RNF128: variants seen among roughly 807,000 people sequenced by gnomAD.
RNF128 encodes the protein ring finger protein 128.
Under a neutral mutation model 26.2 loss-of-function variants are expected in RNF128, and 13 were observed. That is an observed-to-expected ratio of 0.50 (90% CI 0.32 to 0.79). The LOEUF is 0.79. Ranked by LOEUF, RNF128 falls within the 30% of genes least tolerant of loss-of-function variation. The pLI is 0.03. For missense variants in RNF128, 315 were observed against 349.7 expected (o/e 0.90, Z 0.79); for synonymous variants, 149 against 142.5 (o/e 1.05, Z -0.32).
At chrX:106,756,182 A>G (rs1930006411) in intron 1 of RNF128, among the ~76,000 whole-genome samples, 1 of 111,710 alleles carries the variant, frequency 9.0e-6, no homozygotes, top group South Asian at 3.8e-4. Context: ...TACAGATTCA[A>G]TGCCATCCCC....
At chrX:106,707,417 T>A (rs1302504878) in intron 1 of RNF128, among the ~76,000 whole-genome samples, 2 of 112,151 alleles carry the variant, frequency 1.8e-5, no homozygotes, top group Non-Finnish European at 3.8e-5. Context: ...TTTTAAGTTG[T>A]CTTCTATTTA....
At position 106,788,904 on chromosome X, in the gene RNF128, A is replaced by G. The variant is rs1383697224; in HGVS notation, c.887+904A>G. The stretch of plus-strand genomic sequence containing the variant: ...ATATATTATATATTATACATTATAT[A>G]CTATATACTGAGTATATATACTATA... On this transcript the variant is annotated intron_variant, in intron 4 of 6. Transcript: ENST00000255499. Among the ~76,000 whole-genome samples, 9 of 72,605 alleles carry G rather than the reference A, an allele frequency of 1.2e-4. No homozygotes were observed. The Admixed American group carries it at 1.5e-3, about 12-fold the overall frequency. 63.0% of individuals were successfully genotyped at this position (72,605 alleles called of 115,157 possible).
chrX:106,707,640 T>A lies in RNF128; in HGVS notation c.406+13232T>A, dbSNP rs186236378. Among the ~76,000 whole-genome samples the A allele has an allele frequency of 2.8e-3, 314 of 111,002 alleles. 2 individuals carry two copies. Among genetic ancestry groups the A allele is most frequent in the Admixed American group, 0.026 (274 of 10,376 alleles). On this transcript the variant is annotated intron_variant, in intron 1 of 6. Coordinates refer to the RNF128 transcript ENST00000324342. ...GAGAAGGATTTGGGGGCCAGTCACC[T>A]GTGTGATGTGCGGTTTTTTGTGTCT...
chrX:106,726,609 C>T (rs1035028637), upstream of RNF128: 6 of 893,009 alleles, frequency 6.7e-6, no homozygotes, highest in African/African-American at 8.6e-5. Context: ...GAGGCGGATC[C>T]CGCAGTGTCC....
At chrX:106,735,924 T>TA (rs761384347) in intron 1 of RNF128, among the ~76,000 whole-genome samples, 1 of 110,367 alleles carries the variant, frequency 9.1e-6, no homozygotes, top group Non-Finnish European at 1.9e-5. Context: ...CACACACACA[T>TA]AAAAAAATGC....
intron 1 of RNF128, among the ~76,000 whole-genome samples, chrX:106,697,230 A>G (rs1231386861): frequency 8.9e-6 from 1 of 111,900 alleles, no homozygotes; most frequent in African/African-American, 3.3e-5. Flanking sequence ...CAGAATAGAG[A>G]GATATTTGGT....
chrX:106,746,085 C>G (rs780592673), intron 1 of RNF128, among the ~76,000 whole-genome samples: 99 of 111,499 alleles, frequency 8.9e-4, no homozygotes, highest in Middle Eastern at 4.6e-3. Flanking sequence ...CTTGTTCATT[C>G]TGGATATCAG....
At chrX:106,739,975 A>G (rs1216312476) in intron 1 of RNF128, among the ~76,000 whole-genome samples, 3 of 111,608 alleles carry the variant, frequency 2.7e-5, no homozygotes, top group African/African-American at 9.8e-5. Flanking sequence ...TAATCTCTCA[A>G]CATAATATTC....
intron 6 of RNF128, among the ~76,000 whole-genome samples, chrX:106,792,321 A>G (rs1432508371): frequency 9.2e-6 from 1 of 108,811 alleles, no homozygotes; most frequent in East Asian, 2.9e-4. Flanking sequence ...TCTTTTAAAA[A>G]ACAACATTCC....
At chrX:106,752,296 A>T (rs951181133) in intron 1 of RNF128, among the ~76,000 whole-genome samples, 5 of 112,575 alleles carry the variant, frequency 4.4e-5, no homozygotes, top group African/African-American at 1.6e-4. Context: ...AGTGGTGGCC[A>T]CAGGGGTGCT....
chrX:106,748,856 A>G (rs1453220502), intron 1 of RNF128, among the ~76,000 whole-genome samples: 1 of 111,838 alleles, frequency 8.9e-6, no homozygotes, highest in African/African-American at 3.2e-5. Flanking sequence ...ACAGTAGTGA[A>G]TAACTTACAG....
intron 2 of RNF128, among the ~76,000 whole-genome samples, chrX:106,777,708 A>G (rs1363450104): frequency 9.0e-6 from 1 of 111,601 alleles, no homozygotes; most frequent in East Asian, 2.8e-4. Context: ...TTTCTCTCAC[A>G]CCTGTCGTAC....
At chrX:106,694,659 G>A (rs1928846950) in intron 1 of RNF128, among the ~76,000 whole-genome samples, 1 of 111,241 alleles carries the variant, frequency 9.0e-6, no homozygotes, top group African/African-American at 3.3e-5. Context: ...AGTTTCCTCA[G>A]TGGGCATTAT....
At position 106,773,049 on chromosome X, in the gene RNF128, A is replaced by G. The variant is rs1247168279; in HGVS notation, c.621A>G (p.Ser207=). ...KKHGPWVNHY[S]IFFVSVSFFI... is the part of the protein sequence containing the mutation. ...ATGGCCCTTGGGTGAATCACTATTC[A>G]ATTTTTTTCGTTTCTGTGTCCTTTT... is the stretch of plus-strand genomic sequence containing the variant. Residue 207 remains serine, a synonymous_variant, in exon 2 of 7, where the codon TCA becomes TCG. Transcript: ENST00000255499. The G allele has an allele frequency of 7.4e-6, 9 of 1,209,266 alleles. No homozygotes were observed. The highest frequency in any genetic ancestry group is 8.9e-6 in the Non-Finnish European group (8 of 895,016).
intron 1 of RNF128, among the ~76,000 whole-genome samples, chrX:106,698,780 G>A (rs764647422): frequency 2.7e-5 from 3 of 110,938 alleles, no homozygotes; most frequent in East Asian, 2.9e-4. Flanking sequence ...AAATCCTTCC[G>A]TGGCTTCCCA....
At position 106,727,069 on chromosome X, in the gene RNF128, G is replaced by A. The variant is rs1929413434; in HGVS notation, c.156G>A (p.Arg52=). The change falls in exon 1 of 7, where the codon CGG becomes CGA. Residue 52 remains arginine (R), a synonymous_variant. Coordinates refer to ENST00000255499, the MANE Select transcript of RNF128 (RefSeq NM_194463.2). ...CCGCGTACCTCAACGTGTCCTGGCG[G>A]GTTCCGCACACGGGAGTGAACCGTA... ...VWTAYLNVSW[R]VPHTGVNRTV... is the part of the protein sequence containing the mutation. 8.3e-7 allele frequency: 1 copy of A among 1,204,717 alleles called. No individual in the cohort carries two copies. The highest frequency in any genetic ancestry group is 1.7e-5 in the African/African-American group (1 of 57,961).
At chrX:106,787,345 C>G (rs1930674584) in intron 3 of RNF128, among the ~76,000 whole-genome samples, 1 of 111,159 alleles carries the variant, frequency 9.0e-6, no homozygotes, top group Admixed American at 9.6e-5. Context: ...AAGCCAGACT[C>G]AAAAGCTAGA....
At chrX:106,768,255 T>G (rs1930290025) in intron 1 of RNF128, among the ~76,000 whole-genome samples, 1 of 112,105 alleles carries the variant, frequency 8.9e-6, no homozygotes, top group African/African-American at 3.2e-5. Context: ...GGATTCCCTC[T>G]TTTTCTATTG....
At chrX:106,696,199 C>T (rs5962358) in intron 1 of RNF128, among the ~76,000 whole-genome samples, 12,901 of 111,402 alleles carry the variant, frequency 0.12, 1,837 homozygotes, top group African/African-American at 0.4. Context: ...TTAACATTTA[C>T]TGGCATTTAC....
Sources: gnomAD v4.1 joint callset for allele counts (sites outside exome capture counted in the v4.1 genomes callset) on GRCh38, gnomAD v4.1.1 for gene constraint, MANE v1.5 for transcripts, NCBI Gene and HGNC (gene_info 2026-07-23, HGNC 2026-07-21) for gene names.